SVEP1: variants seen among roughly 807,000 people sequenced by gnomAD.
SVEP1 encodes the protein sushi, von Willebrand factor type A, EGF and pentraxin domain-containing protein 1.
Under a neutral mutation model 367.3 loss-of-function variants are expected in SVEP1, and 164 were observed. The ratio of observed to expected loss-of-function variants is 0.45; its 90% confidence interval spans 0.39 to 0.51. The LOEUF is 0.51. Ranked by LOEUF, SVEP1 falls within the 20% of genes least tolerant of loss-of-function variation. The pLI is 0.00. For missense variants in SVEP1, 4,117 were observed against 4,425.3 expected (o/e 0.93, Z 1.98); for synonymous variants, 1,666 against 1,611.6 (o/e 1.03, Z -0.81).
At chr9:110,454,564 C>T (rs1234676426) in intron 22 of SVEP1, among the ~76,000 whole-genome samples, 1 of 152,102 alleles carries the variant, frequency 6.6e-6, no homozygotes, top group African/African-American at 2.4e-5. Flanking sequence ...ACCTAGGTGC[C>T]CATCAATGGT....
intron 40 of SVEP1, among the ~76,000 whole-genome samples, chr9:110,395,918 C>A (rs1014834961): frequency 1.7e-4 from 25 of 151,414 alleles, no homozygotes; most frequent in Non-Finnish European, 3.2e-4. Flanking sequence ...ACTTTAACAC[C>A]CCACTGTCAA....
chr9:110,511,488 CTTT>C (rs199993986), intron 5 of SVEP1, among the ~76,000 whole-genome samples: 1 of 77,576 alleles, frequency 1.3e-5, no homozygotes, highest in South Asian at 4.1e-4. Context: ...GTGTCAGTAC[CTTT>C]TTTTTTTTTT....
At chr9:110,435,899 A>G (rs1183654287) in intron 28 of SVEP1, among the ~76,000 whole-genome samples, 9 of 152,170 alleles carry the variant, frequency 5.9e-5, no homozygotes, top group Non-Finnish European at 1.2e-4. Context: ...GTGAGATGGA[A>G]TAACATGTTC....
At chr9:110,394,489 A>C (rs577883700) in intron 40 of SVEP1, among the ~76,000 whole-genome samples, 2 of 152,362 alleles carry the variant, frequency 1.3e-5, no homozygotes, top group Non-Finnish European at 2.9e-5. Context: ...GCAACAGAAC[A>C]AAGCTGGACA....
At chr9:110,487,868 C>T (rs61315530) in intron 9 of SVEP1, among the ~76,000 whole-genome samples, 4,832 of 152,182 alleles carry the variant, frequency 0.032, 197 homozygotes, top group African/African-American at 0.099. Flanking sequence ...TGACTTTAAG[C>T]GGTGGAGATG....
intron 43 of SVEP1, among the ~76,000 whole-genome samples, chr9:110,380,099 T>G (rs1478551751): frequency 6.6e-6 from 1 of 152,248 alleles, no homozygotes; most frequent in East Asian, 1.9e-4. Flanking sequence ...TTTTCAATAC[T>G]GTAAAAGAGT....
At position 110,404,651 on chromosome 9, in the gene SVEP1, T is replaced by A. The variant is rs1031199894; in HGVS notation, c.9441-99A>T. On this transcript the variant is annotated intron_variant, in intron 38 of 47. Transcript: ENST00000374469. ...AAGCTGTTACAAGGCTCAGTAGATA[T>A]TTTGTGCAACATATTGATTGTTGCA... The A allele has an allele frequency of 2.7e-5, 30 of 1,107,524 alleles. No individual in the cohort carries two copies. In the Admixed American group the frequency reaches 5.5e-4, roughly 20 times the overall value. 68.6% of individuals were successfully genotyped at this position (1,107,524 alleles called of 1,614,324 possible).
intron 5 of SVEP1, among the ~76,000 whole-genome samples, chr9:110,512,633 T>C (rs1188630748): frequency 6.6e-6 from 1 of 152,216 alleles, no homozygotes; most frequent in Non-Finnish European, 1.5e-5. Flanking sequence ...CTCTCCTTTA[T>C]ATCATGTCTT....
rs752729409 is a variant in SVEP1 at position 110,407,355 on chromosome 9, G to T, written c.8245C>A (p.Leu2749Ile). ...CAAAGCCTTAAGTCAGAGCCTGCTAGAATGTGTCCAGGTTTACAGCTATAC... is the reference window on the plus strand; with the variant it reads ...CAAAGCCTTAAGTCAGAGCCTGCTATAATGTGTCCAGGTTTACAGCTATAC... ...VQYSCKPGHI[L>I]AGSDLRLCLE... Residue 2749 changes from leucine to isoleucine, a missense_variant, in exon 38 of 48, where the codon CTA becomes ATA. This residue lies in a region of SVEP1 where 1,765 missense variants were observed against 1,781.1 expected (regional missense o/e 0.99). Transcript: ENST00000374469. The T allele has an allele frequency of 6.2e-7, 1 of 1,613,852 alleles. No homozygotes were observed. Among genetic ancestry groups the T allele is most frequent in the Non-Finnish European group, 8.5e-7 (1 of 1,179,892 alleles).
intron 1 of SVEP1, among the ~76,000 whole-genome samples, chr9:110,551,785 G>C (rs1208493522): frequency 1.3e-5 from 2 of 152,158 alleles, no homozygotes; most frequent in South Asian, 4.1e-4. Context: ...CCTCTGAGGA[G>C]AGGAAGAGGG....
intron 3 of SVEP1, among the ~76,000 whole-genome samples, chr9:110,518,298 C>G (rs1235569603): frequency 2.0e-5 from 3 of 151,856 alleles, no homozygotes; most frequent in Admixed American, 2.0e-4. Flanking sequence ...TGGTGCACAC[C>G]TGTAATCCAG....
chr9:110,365,271 T>A lies in SVEP1; in HGVS notation c.*1268A>T, dbSNP rs529471789. The A allele has an allele frequency of 6.6e-6, 1 of 152,030 alleles. No individual in the cohort carries two copies. Among genetic ancestry groups the A allele is most frequent in the African/African-American group, 2.4e-5 (1 of 41,464 alleles). 9.4% of individuals were successfully genotyped at this position (152,030 alleles called of 1,614,324 possible). A position where few individuals can be genotyped will look rare whatever the true frequency, so the allele number is the denominator to read the frequency against. On this transcript the variant is annotated 3_prime_UTR_variant, in exon 48 of 48. Transcript: ENST00000374469. The stretch of plus-strand genomic sequence containing the variant: ...GGTTTGGAAGTTAATGGACTATGAG[T>A]AAATTTATTGGAAAGTAGACTCATA...
intron 5 of SVEP1, among the ~76,000 whole-genome samples, chr9:110,505,476 TA>T (rs932040539): frequency 6.6e-6 from 1 of 152,176 alleles, no homozygotes; most frequent in Non-Finnish European, 1.5e-5. Context: ...CCTCATATCC[TA>T]AACTTCCTTT....
chr9:110,389,708 A>C, intron 40 of SVEP1, 121 bp from the exon 41 acceptor site: 1 of 1,034,138 alleles, frequency 9.7e-7, no homozygotes. Flanking sequence ...CTAAATAAAC[A>C]TGTTAAAAAC....
chr9:110,380,638 T>C (rs1299379299), intron 43 of SVEP1, among the ~76,000 whole-genome samples: 1 of 152,194 alleles, frequency 6.6e-6, no homozygotes, highest in Non-Finnish European at 1.5e-5. Context: ...ATCGGGGAAA[T>C]TGGCCTGAAG....
intron 8 of SVEP1, among the ~76,000 whole-genome samples, chr9:110,495,261 T>C (rs1829428617): frequency 6.6e-6 from 1 of 152,162 alleles, no homozygotes; most frequent in African/African-American, 2.4e-5. Flanking sequence ...TCATCCATGT[T>C]CTAATCCCTG....
chr9:110,443,913 T>C (rs1178136376), intron 26 of SVEP1, among the ~76,000 whole-genome samples, 193 bp from the exon 27 acceptor site: 21 of 152,202 alleles, frequency 1.4e-4, no homozygotes, highest in Non-Finnish European at 3.1e-4. Flanking sequence ...TATACTTTAT[T>C]GTAGCTCACT....
chr9:110,411,941 A>T (rs1366001919), intron 36 of SVEP1, among the ~76,000 whole-genome samples: 1 of 152,198 alleles, frequency 6.6e-6, no homozygotes, highest in Non-Finnish European at 1.5e-5. Flanking sequence ...GTTCAGAAAC[A>T]TGTATTTAAA....
intron 5 of SVEP1, among the ~76,000 whole-genome samples, chr9:110,505,497 T>C (rs890945078): frequency 1.3e-5 from 2 of 152,148 alleles, no homozygotes; most frequent in African/African-American, 2.4e-5. Context: ...TTGAGCAACT[T>C]TTCCTTCACT....
Sources: allele counts gnomAD v4.1 joint callset (sites outside exome capture counted in the v4.1 genomes callset), GRCh38; gene constraint gnomAD v4.1.1; regional missense constraint gnomAD v4.1.1; transcripts MANE v1.5; gene names NCBI Gene and HGNC (gene_info 2026-07-23, HGNC 2026-07-21).